The following TMEM178B variants were observed in gnomAD, a reference collection of about 807,000 sequenced individuals.
TMEM178B encodes transmembrane protein 178B.
In TMEM178B, 5 loss-of-function variants were observed where a neutral mutation model predicts 31.0. That is an observed-to-expected ratio of 0.16 (90% CI 0.08 to 0.34). TMEM178B has a LOEUF of 0.34. TMEM178B is among the 10% of genes least tolerant of loss of function. The pLI, the probability that TMEM178B is intolerant of heterozygous loss-of-function variation, is 1.00. For synonymous variants in TMEM178B, 164 were observed against 164.0 expected, an observed-to-expected ratio of 1.00 and a Z score of 0.00; for missense variants, 275 against 400.3, an observed-to-expected ratio of 0.69 and a Z score of 2.67.
intron 1 of TMEM178B, among the ~76,000 whole-genome samples, chr7:141,100,695 C>CT (rs1422391324): frequency 1.3e-5 from 2 of 152,064 alleles, no homozygotes; most frequent in African/African-American, 4.8e-5. Context: ...TAAACAAGGG[C>CT]TGACTGTATT....
chr7:141,128,547 A>T (rs1171098965), intron 1 of TMEM178B, among the ~76,000 whole-genome samples: 2 of 152,130 alleles, frequency 1.3e-5, no homozygotes, highest in Non-Finnish European at 2.9e-5. Flanking sequence ...CCTTGAAAAA[A>T]AAAAAGCTCC....
At chr7:141,213,559 T>C (rs780456436) in intron 2 of TMEM178B, among the ~76,000 whole-genome samples, 2 of 152,236 alleles carry the variant, frequency 1.3e-5, no homozygotes, top group Non-Finnish European at 2.9e-5. Flanking sequence ...TCTGTTTTCA[T>C]CTATATGTGA....
chr7:141,180,010 C>T (rs114248987), intron 1 of TMEM178B, among the ~76,000 whole-genome samples: 256 of 152,286 alleles, frequency 1.7e-3, no homozygotes, highest in East Asian at 6.6e-3. Flanking sequence ...CATCTCAGCC[C>T]ATTTTTAAGA....
At chr7:141,423,553 G>A (rs558483279) in intron 2 of TMEM178B, among the ~76,000 whole-genome samples, 1 of 152,326 alleles carries the variant, frequency 6.6e-6, no homozygotes, top group South Asian at 2.1e-4. Context: ...AGGAGGAGGA[G>A]GGGGCTTGCC....
At chr7:141,245,380 G>A (rs1240481195) in intron 2 of TMEM178B, among the ~76,000 whole-genome samples, 1 of 151,790 alleles carries the variant, frequency 6.6e-6, no homozygotes, top group Non-Finnish European at 1.5e-5. Context: ...ACTGGGGAAG[G>A]ACATTTGTGG....
At chr7:141,335,423 G>A (rs76715297) in intron 2 of TMEM178B, among the ~76,000 whole-genome samples, 7,143 of 152,286 alleles carry the variant, frequency 0.047, 263 homozygotes, top group East Asian at 0.16. Flanking sequence ...TGCTTTAGAA[G>A]TTGGGTCTTG....
At chr7:141,089,197 A>G (rs1053079428) in intron 1 of TMEM178B, among the ~76,000 whole-genome samples, 1 of 152,208 alleles carries the variant, frequency 6.6e-6, no homozygotes, top group African/African-American at 2.4e-5. Context: ...AGCCTAAAGG[A>G]GGCAGAAAGC....
chr7:141,301,825 G>A (rs116161951), intron 2 of TMEM178B, among the ~76,000 whole-genome samples: 5 of 152,174 alleles, frequency 3.3e-5, no homozygotes, highest in African/African-American at 1.2e-4. Flanking sequence ...GCCCCGGGGG[G>A]CCCTCATCCC....
chr7:141,195,126 A>G (rs981842567), intron 1 of TMEM178B, among the ~76,000 whole-genome samples: 2 of 152,056 alleles, frequency 1.3e-5, no homozygotes, highest in Non-Finnish European at 2.9e-5. Flanking sequence ...GCCTGGAGAC[A>G]TTTTCCCCAT....
intron 2 of TMEM178B, among the ~76,000 whole-genome samples, chr7:141,230,146 A>G (rs1797417657): frequency 6.6e-6 from 1 of 152,238 alleles, no homozygotes; most frequent in African/African-American, 2.4e-5. Flanking sequence ...GTTTTGGGCC[A>G]TTATAATAAT....
chr7:141,336,834 CCA>C (rs1052304808), intron 2 of TMEM178B, among the ~76,000 whole-genome samples: 1 of 146,992 alleles, frequency 6.8e-6, no homozygotes, highest in Non-Finnish European at 1.5e-5. Context: ...ACCACCATCA[CCA>C]CCATCATAAC....
At chr7:141,498,146 C>G in the TMEM178B span, among the ~76,000 whole-genome samples, 2 of 152,286 alleles carry the variant, frequency 1.3e-5, no homozygotes, top group South Asian at 4.1e-4. Context: ...CAAAGCCTGA[C>G]CTGGTTTTCT....
chr7:141,308,595 T>C (rs535735670), intron 2 of TMEM178B, among the ~76,000 whole-genome samples: 50 of 152,250 alleles, frequency 3.3e-4, no homozygotes, highest in African/African-American at 1.2e-3. Context: ...CCCCAATATG[T>C]AAAACAGATA....
intron 2 of TMEM178B, among the ~76,000 whole-genome samples, chr7:141,337,212 T>A (rs868340684): frequency 5.4e-5 from 1 of 18,496 alleles, no homozygotes; most frequent in African/African-American, 2.3e-4. Flanking sequence ...ACCACCACCA[T>A]CACCACCACC....
intron 1 of TMEM178B, among the ~76,000 whole-genome samples, chr7:141,103,521 G>A (rs867915531): frequency 2.3e-4 from 35 of 152,046 alleles, no homozygotes; most frequent in African/African-American, 7.5e-4. Context: ...ACCTGATAAT[G>A]AGTTTTTTGA....
chr7:141,201,067 T>C (rs1330847705), intron 1 of TMEM178B, among the ~76,000 whole-genome samples: 1 of 151,812 alleles, frequency 6.6e-6, no homozygotes, highest in Non-Finnish European at 1.5e-5. Flanking sequence ...ACCAAAATAT[T>C]AAAAAAAACT....
At chr7:141,416,104 T>G (rs779211783) in intron 2 of TMEM178B, 3 of 152,828 alleles carry the variant, frequency 2.0e-5, no homozygotes, top group Non-Finnish European at 4.4e-5. Flanking sequence ...TTCCAAAACT[T>G]TGAGTCTTGC....
At position 141,330,036 on chromosome 7, in the gene TMEM178B, T is replaced by C. The variant is rs567996876; in HGVS notation, c.497-107572T>C. 9.2e-5 allele frequency among the ~76,000 whole-genome samples: 14 copies of C among 152,008 alleles called. No homozygotes were observed. The East Asian group carries it at 2.7e-3, about 29-fold the overall frequency. On this transcript the variant is annotated intron_variant, in intron 2 of 3. Coordinates refer to ENST00000565468, the MANE Select transcript of TMEM178B (RefSeq NM_001195278.2). ...ATGGTGAAGATGGCCATGGTAACCC[T>C]GAGAAATTTAATCTTCACCCTGAGG...
At chr7:141,509,564 C>T in the TMEM178B span, among the ~76,000 whole-genome samples, 1 of 152,130 alleles carries the variant, frequency 6.6e-6, no homozygotes, top group African/African-American at 2.4e-5. Flanking sequence ...GTAGCAGAAT[C>T]GCATGAACCT....
Sources: gnomAD v4.1 joint callset for allele counts (sites outside exome capture counted in the v4.1 genomes callset) on GRCh38, gnomAD v4.1.1 for gene constraint, MANE v1.5 for transcripts, NCBI Gene and HGNC (gene_info 2026-07-23, HGNC 2026-07-21) for gene names.